The following TXNDC15 variants were observed in gnomAD, a reference collection of about 807,000 sequenced individuals.
TXNDC15 encodes the protein thioredoxin domain-containing protein 15.
A neutral mutation model predicts 35.0 loss-of-function variants in TXNDC15; 24 were observed. The observed-to-expected ratio is 0.68, with a 90% CI of 0.50 to 0.96. TXNDC15 has a LOEUF of 0.96. TXNDC15 is among the 40% of genes least tolerant of loss of function. TXNDC15 has a pLI of 0.00. For synonymous variants in TXNDC15, 169 were observed against 174.0 expected, an observed-to-expected ratio of 0.97 and a Z score of 0.23; for missense variants, 385 against 453.3, an observed-to-expected ratio of 0.85 and a Z score of 1.37.
intron 1 of TXNDC15, among the ~76,000 whole-genome samples, chr5:134,883,393 C>T (rs1345296347): frequency 6.6e-6 from 1 of 151,902 alleles, no homozygotes; most frequent in African/African-American, 2.4e-5. Flanking sequence ...TGCCACTGCA[C>T]TCCAGCCTGT....
In TXNDC15 at chr5:134,900,902, C is replaced by T. The variant is rs1384101339; in HGVS notation, c.*1217C>T. 6.6e-6 allele frequency: 1 copy of T among 152,084 alleles called. No individual in the cohort carries two copies. The highest frequency in any genetic ancestry group is 2.4e-5 in the African/African-American group (1 of 41,386). 9.4% of individuals were successfully genotyped at this position (152,084 alleles called of 1,614,324 possible). A position where few individuals can be genotyped will look rare whatever the true frequency, so the allele number is the denominator to read the frequency against. ...TCCCGGGTTCAAGCGATTCTCCAGC[C>T]TCAGCCTCCTGAGTAGCTGGGACTA... On this transcript the variant is annotated 3_prime_UTR_variant, in exon 5 of 5. Transcript: ENST00000358387.
At chr5:134,891,869 T>A (rs927565041) in intron 2 of TXNDC15, among the ~76,000 whole-genome samples, 1 of 152,112 alleles carries the variant, frequency 6.6e-6, no homozygotes, top group African/African-American at 2.4e-5. Flanking sequence ...GAGCCATGAT[T>A]GCGCCACTGT....
chr5:134,899,406 T>A (rs1316220975), intron 4 of TXNDC15, 83 bp from the exon 5 acceptor site: 1 of 1,183,570 alleles, frequency 8.4e-7, no homozygotes, highest in African/African-American at 1.6e-5. Context: ...GCATGTCATT[T>A]TGCATACCAT....
chr5:134,894,278 C>A (rs1213445628), intron 3 of TXNDC15, among the ~76,000 whole-genome samples: 2 of 152,014 alleles, frequency 1.3e-5, no homozygotes, highest in Non-Finnish European at 2.9e-5. Flanking sequence ...TGGCCTTGAA[C>A]TCCTGGGCTC....
intron 1 of TXNDC15, 71 bp downstream of exon 1, chr5:134,874,601 C>G: frequency 7.6e-7 from 1 of 1,319,428 alleles, no homozygotes; most frequent in Non-Finnish European, 1.0e-6. Context: ...ACGCTCTGGA[C>G]CTGCGCGAAG....
At chr5:134,881,812 G>C (rs983228841) in intron 1 of TXNDC15, among the ~76,000 whole-genome samples, 5 of 149,616 alleles carry the variant, frequency 3.3e-5, no homozygotes, top group African/African-American at 1.2e-4. Context: ...TGGCCGGGCG[G>C]GGGGCTGACG....
rs142616682 is a variant in TXNDC15, at chr5:134,874,512, C to A, written c.85C>A (p.Pro29Thr). Residue 29 changes from proline to threonine, a missense_variant, in exon 1 of 5, where the codon CCC becomes ACC. Pro to Thr is a conservative substitution (Grantham distance 38). Transcript: ENST00000358387. The stretch of plus-strand genomic sequence containing the variant: ...AGTATTGCTGTGGGTGCTGGGACTT[C>A]CCGTCCGCGGCGTGGAGGGTGAGTG... Reference protein sequence around the residue: ...WQVLLWVLGLPVRGVEVAEES... With the variant: ...WQVLLWVLGLTVRGVEVAEES... The A allele has an allele frequency of 4.4e-6, 7 of 1,601,786 alleles. No individual in the cohort carries two copies. The South Asian group carries it at 4.4e-5, about 10-fold the overall frequency.
chr5:134,886,161 T>C (rs1165220394), intron 1 of TXNDC15, among the ~76,000 whole-genome samples: 1 of 152,272 alleles, frequency 6.6e-6, no homozygotes, highest in Non-Finnish European at 1.5e-5. Flanking sequence ...ATGTGCTTTG[T>C]GATTATCACA....
In TXNDC15 at chr5:134,874,538, TG is replaced by T. The variant is rs1392950741; in HGVS notation, c.103+11del. The T allele has an allele frequency of 3.1e-6, 5 of 1,594,744 alleles. No homozygotes were observed. The highest frequency in any genetic ancestry group is 3.4e-6 in the Non-Finnish European group (4 of 1,174,724). ...CCGTCCGCGGCGTGGAGGGTGAGTGTGGGCCGGGGGCGGTGCATGAGATGAT... is the reference window on the plus strand; with the variant it reads ...CCGTCCGCGGCGTGGAGGGTGAGTGTGGCCGGGGGCGGTGCATGAGATGAT... On this transcript the variant is annotated intron_variant, in intron 1 of 4. Transcript: ENST00000358387.
At chr5:134,878,038 G>A (rs994091717) in intron 1 of TXNDC15, among the ~76,000 whole-genome samples, 1 of 151,954 alleles carries the variant, frequency 6.6e-6, no homozygotes, top group East Asian at 1.9e-4. Flanking sequence ...ACCTCCCAAA[G>A]TGCTGGGATT....
intron 3 of TXNDC15, among the ~76,000 whole-genome samples, chr5:134,894,369 C>CTTTTTTTTTTTTTTTTT (rs556643965): frequency 7.6e-6 from 1 of 131,404 alleles, no homozygotes; most frequent in East Asian, 2.2e-4. Flanking sequence ...TTTTTTTTTT[C>CTTTTTTTTTTTTTTTTT]TTTTTTTTTT....
In TXNDC15 at chr5:134,901,551, T is replaced by G. The variant is rs566139699; in HGVS notation, c.*1866T>G. The stretch of plus-strand genomic sequence containing the variant: ...CCTCTTATATTGAGTTATTACTGTG[T>G]GAGTGCCAAGTACTGTTTTAGATGC... On this transcript the variant is annotated 3_prime_UTR_variant, in exon 5 of 5. Coordinates refer to ENST00000358387, the MANE Select transcript of TXNDC15 (RefSeq NM_024715.4). 1 of 152,252 alleles carries G rather than the reference T, an allele frequency of 6.6e-6. No individual in the cohort carries two copies. The highest frequency in any genetic ancestry group is 2.4e-5 in the African/African-American group (1 of 41,470). The allele number at this position is 152,252 out of a possible 1,614,324, so 9.4% of individuals were successfully genotyped here.
chr5:134,874,015 CGA>C (rs1749971020), upstream of TXNDC15: 1 of 161,536 alleles, frequency 6.2e-6, no homozygotes, highest in Non-Finnish European at 1.3e-5. Context: ...TTCTGCACCT[CGA>C]TGGGACACTA....
intron 1 of TXNDC15, among the ~76,000 whole-genome samples, chr5:134,876,732 GTTT>G (rs532547885): frequency 1.5e-5 from 2 of 131,030 alleles, no homozygotes; most frequent in African/African-American, 2.8e-5. Context: ...AATCTGAGGT[GTTT>G]TTTTTTTTTT....
At chr5:134,883,344 G>C (rs1936730502) in intron 1 of TXNDC15, among the ~76,000 whole-genome samples, 1 of 152,132 alleles carries the variant, frequency 6.6e-6, no homozygotes, top group Admixed American at 6.6e-5. Flanking sequence ...AGAATTCCTT[G>C]AACCGGAACC....
chr5:134,874,999 A>G lies in TXNDC15; in HGVS notation c.103+469A>G, dbSNP rs1048456675. 6 of 387,282 alleles carry G rather than the reference A, an allele frequency of 1.5e-5. 1 individual carries two copies. The highest frequency in any genetic ancestry group is 9.5e-5 in the South Asian group (5 of 52,652). The allele number at this position is 387,282 out of a possible 1,614,324, so 24.0% of individuals were successfully genotyped here. A position where few individuals can be genotyped will look rare whatever the true frequency, so the allele number is the denominator to read the frequency against. On this transcript the variant is annotated intron_variant, in intron 1 of 4. Transcript: ENST00000358387. ...TCCGTTTAGTGTCTCCATTTCACAG[A>G]TGAAGATGCTCAGGCCCCGCCTAAG...
At chr5:134,886,058 C>G (rs888391801) in intron 1 of TXNDC15, among the ~76,000 whole-genome samples, 4 of 152,126 alleles carry the variant, frequency 2.6e-5, no homozygotes, top group African/African-American at 7.2e-5. Context: ...TTGAATGATT[C>G]TAGCATGAAG....
rs1750304261 is a variant in TXNDC15, at chr5:134,887,777, G to A, written c.186G>A (p.Glu62=). 6.2e-7 allele frequency: 1 copy of A among 1,614,020 alleles called. No individual in the cohort carries two copies. Among genetic ancestry groups the A allele is most frequent in the African/African-American group, 1.3e-5 (1 of 74,940 alleles). Residue 62 remains glutamate (E), a synonymous_variant, in exon 2 of 5, where the codon GAG becomes GAA. Transcript: ENST00000358387. The part of the protein sequence containing the change: ...LQVGAVYLGE[E]ELLHDPMGQD... ...TGGGGGCTGTGTACCTGGGTGAGGAGGAGCTCCTGCATGACCCGATGGGCC... is the reference window on the plus strand; with the variant it reads ...TGGGGGCTGTGTACCTGGGTGAGGAAGAGCTCCTGCATGACCCGATGGGCC...
At chr5:134,898,947 T>C (rs1177718498) in intron 4 of TXNDC15, among the ~76,000 whole-genome samples, 2 of 151,984 alleles carry the variant, frequency 1.3e-5, no homozygotes, top group Admixed American at 1.3e-4. Context: ...CATGGCGGTG[T>C]GTGTCTGTAA....
Sources: allele counts gnomAD v4.1 joint callset (sites outside exome capture counted in the v4.1 genomes callset), GRCh38; gene constraint gnomAD v4.1.1; transcripts MANE v1.5; gene names NCBI Gene and HGNC (gene_info 2026-07-23, HGNC 2026-07-21).